IPO13: variants seen among roughly 807,000 people sequenced by gnomAD.
IPO13 encodes the protein importin 13, also known as importin-13.
IPO13 carries 28 observed loss-of-function variants against 115.5 expected under a neutral mutation model. The ratio of observed to expected loss-of-function variants is 0.24; its 90% CI spans 0.18 to 0.33. IPO13 has a LOEUF of 0.33. IPO13 is among the 10% of genes least tolerant of loss of function. The pLI is 1.00. For synonymous variants in IPO13, 414 were observed against 478.9 expected (o/e 0.86, Z 1.77); for missense variants, 785 against 1,204.6 (o/e 0.65, Z 5.16).
At position 43,967,690 on chromosome 1, in the gene IPO13, CCCCAT is replaced by C; in HGVS notation, c.*16_*20del. 1 of 1,612,464 alleles carries C rather than the reference CCCCAT, an allele frequency of 6.2e-7. No individual in the cohort carries two copies. Among genetic ancestry groups the C allele is most frequent in the Non-Finnish European group, 8.5e-7 (1 of 1,178,476 alleles). ...TACACAGCTGACTACTGAGGGGTGC[CCCCAT>C]CCCATCCACCCCTTCTCTTCATCCT... On this transcript the variant is annotated 3_prime_UTR_variant, in exon 20 of 20. Transcript: ENST00000372343. This position sits in a 1 kb window ranked among gnomAD's most constrained non-coding sequence, Gnocchi z 6.1.
rs981217383 is a variant in IPO13, at chr1:43,949,799, C to G, written c.467C>G (p.Pro156Arg). 9 of 1,614,010 alleles carry G rather than the reference C, an allele frequency of 5.6e-6. No homozygotes were observed. In the Admixed American group the frequency reaches 8.3e-5, roughly 15 times the overall value. Residue 156 changes from proline to arginine, a missense_variant, in exon 2 of 20, where the codon CCA becomes CGA. This residue lies in a region of IPO13 where 325 missense variants were observed against 449.8 expected (regional missense o/e 0.72). Transcript: ENST00000372343. ...MVRLFQAEDSPVDGQGRCLAL... is the reference protein window; with the variant it reads ...MVRLFQAEDSRVDGQGRCLAL... ...CGACTCTTCCAGGCTGAGGACTCAC[C>G]AGTGGATGGGCAGGGCCGCTGCCTA...
intron 2 of IPO13, among the ~76,000 whole-genome samples, chr1:43,955,607 C>T (rs921009374): frequency 6.6e-6 from 1 of 152,178 alleles, no homozygotes; most frequent in African/African-American, 2.4e-5. Context: ...GGCATTCTCC[C>T]TGTATGTCTC....
In IPO13 at chr1:43,967,655, T is replaced by A; in HGVS notation, c.2865T>A (p.His955Gln). ...TCACACTGCTGTGCCGGGGTCTCCA[T>A]GGCACAGATTACACAGCTGACTACT... ...KEFTLLCRGL[H>Q]GTDYTADY Residue 955 changes from histidine (H) to glutamine (Q), a missense_variant, in exon 20 of 20, where the codon CAT becomes CAA. His to Gln is a conservative substitution (Grantham distance 24, BLOSUM62 0). Around this residue, in one of 3 missense-constraint regions of IPO13, gnomAD observed 285 missense variants for 394.8 expected, o/e 0.72. Transcript: ENST00000372343. This position sits in a 1 kb window ranked among gnomAD's most constrained non-coding sequence, Gnocchi z 6.1. The A allele has an allele frequency of 6.2e-7, 1 of 1,614,134 alleles. No homozygotes were observed. The highest frequency in any genetic ancestry group is 1.1e-5 in the South Asian group (1 of 91,084).
At chr1:43,962,959 C>CTCTG (rs2154302373) in intron 14 of IPO13, among the ~76,000 whole-genome samples, 1 of 152,348 alleles carries the variant, frequency 6.6e-6, no homozygotes, top group East Asian at 1.9e-4. Context: ...GGGGAGGGCT[C>CTCTG]CCTGCCCTTG....
Position 43,952,200 on chromosome 1 carries a change from C to T in IPO13, c.821+2047C>T, listed in dbSNP as rs143436832. Among the ~76,000 whole-genome samples the T allele has an allele frequency of 7.8e-3, 1,194 of 152,328 alleles. 13 individuals are homozygous for T. The highest frequency in any genetic ancestry group is 0.027 in the African/African-American group (1,116 of 41,550). ...ATTTATTTATTTTGAGACAGAGTCTCACTCTGTCACCCAGGCTGGTGTGCA... is the reference window on the plus strand; with the variant it reads ...ATTTATTTATTTTGAGACAGAGTCTTACTCTGTCACCCAGGCTGGTGTGCA... On this transcript the variant is annotated intron_variant, in intron 2 of 19. Transcript: ENST00000372343. The surrounding 1 kb of genome is among the most constrained non-coding windows in gnomAD (Gnocchi z 4.7).
chr1:43,960,393 G>A, intron 12 of IPO13, 64 bp downstream of exon 12: 9 of 1,379,544 alleles, frequency 6.5e-6, no homozygotes, highest in Middle Eastern at 1.8e-4. Flanking sequence ...AGGGTAAGAT[G>A]TTACTGCCAC....
chr1:43,966,118 G>C lies in IPO13; in HGVS notation c.2398-457G>C, dbSNP rs1324827417. 4.1e-6 allele frequency: 1 copy of C among 243,950 alleles called. No homozygotes were observed. Among genetic ancestry groups the C allele is most frequent in the African/African-American group, 2.2e-5 (1 of 44,840 alleles). 15.1% of individuals were successfully genotyped at this position (243,950 alleles called of 1,614,324 possible). On this transcript the variant is annotated intron_variant, in intron 15 of 19. Transcript: ENST00000372343. The surrounding 1 kb of genome is among the most constrained non-coding windows in gnomAD (Gnocchi z 4.1). ...GAGGGTGCCTCAGGAATACAGGAGGGACATGGGAGGAGGGCTGTTGGGCTG... is the reference window on the plus strand; with the variant it reads ...GAGGGTGCCTCAGGAATACAGGAGGCACATGGGAGGAGGGCTGTTGGGCTG...
At chr1:43,959,172 G>GAC (rs1478398091) in intron 11 of IPO13, among the ~76,000 whole-genome samples, 1 of 152,200 alleles carries the variant, frequency 6.6e-6, no homozygotes, top group Non-Finnish European at 1.5e-5. Context: ...CCCCATGAGG[G>GAC]ACATTGACGT....
chr1:43,964,278 A>G lies in IPO13; in HGVS notation c.2354A>G (p.Asp785Gly). The G allele has an allele frequency of 6.2e-7, 1 of 1,609,064 alleles. No homozygotes were observed. Among genetic ancestry groups the G allele is most frequent in the South Asian group, 1.1e-5 (1 of 90,614 alleles). The change falls in exon 15 of 20, where the codon GAT becomes GGT. Residue 785 changes from aspartate to glycine, a missense_variant. Physicochemically the swap from Asp to Gly is moderately conservative, Grantham distance 94. This residue lies in a region of IPO13 where 285 missense variants were observed against 394.8 expected (regional missense o/e 0.72). Coordinates refer to ENST00000372343, the MANE Select transcript of IPO13 (RefSeq NM_014652.4). ...CTTTATTATATTTTAGGGCCCAGGG[A>G]TCATCCTGATATTGTTGATTCATTT... ...TLTLFQQGPR[D>G]HPDIVDSFMQ...
intron 14 of IPO13, 115 bp downstream of exon 14, chr1:43,961,377 G>A: frequency 1.2e-6 from 1 of 825,454 alleles, no homozygotes; most frequent in Non-Finnish European, 2.1e-6. Flanking sequence ...TCACACGTGG[G>A]ACTTGATGGG....
chr1:43,958,102 C>G lies in IPO13; in HGVS notation c.1666C>G (p.Arg556Gly), dbSNP rs2085263358. 1 of 1,614,126 alleles carries G rather than the reference C, an allele frequency of 6.2e-7. No individual in the cohort carries two copies. Among genetic ancestry groups the G allele is most frequent in the Non-Finnish European group, 8.5e-7 (1 of 1,180,022 alleles). Residue 556 changes from arginine (R) to glycine (G), a missense_variant, in exon 8 of 20, where the codon CGA (arginine) becomes GGA (glycine). Coordinates refer to ENST00000372343, the MANE Select transcript of IPO13 (RefSeq NM_014652.4). The surrounding 1 kb of genome is among the most constrained non-coding windows in gnomAD (Gnocchi z 6.3). ...TGTGTCCACCCTCAAGAAGATCTGC[C>G]GAGAGTGCAAGTATGACCTGCCTCC... ...SSVSTLKKIC[R>G]ECKYDLPPYA...
In IPO13 at chr1:43,966,662, A is replaced by G; in HGVS notation, c.2464+21A>G. On this transcript the variant is annotated intron_variant, in intron 16 of 19. Transcript: ENST00000372343. The surrounding 1 kb of genome is among the most constrained non-coding windows in gnomAD (Gnocchi z 4.1). ...GTGTGGTAAGTGGGGCGAGATGGAC[A>G]GGTGGGCCTGGGGCTCCCCTAGAAG... 6.2e-7 allele frequency: 1 copy of G among 1,614,138 alleles called. No homozygotes were observed. Among genetic ancestry groups the G allele is most frequent in the Non-Finnish European group, 8.5e-7 (1 of 1,179,948 alleles).
At chr1:43,947,826 G>A in intron 1 of IPO13, 142 bp downstream of exon 1, 1 of 436,604 alleles carries the variant, frequency 2.3e-6, no homozygotes, top group Non-Finnish European at 4.0e-6. Context: ...TTTCTGGGCA[G>A]GCAGTATTGC....
chr1:43,961,632 G>A (rs987004984), intron 14 of IPO13, among the ~76,000 whole-genome samples: 1 of 152,186 alleles, frequency 6.6e-6, no homozygotes, highest in Non-Finnish European at 1.5e-5. Flanking sequence ...GCTAGACCTA[G>A]ATTCTAAGTT....
chr1:43,957,664 T>A, intron 7 of IPO13, 115 bp downstream of exon 7: 1 of 1,297,342 alleles, frequency 7.7e-7, no homozygotes, highest in Non-Finnish European at 1.1e-6. Flanking sequence ...CTACACACAA[T>A]CAGTGTTGTA....
At chr1:43,960,382 C>G in intron 12 of IPO13, 53 bp downstream of exon 12, 1 of 1,507,680 alleles carries the variant, frequency 6.6e-7, no homozygotes, top group Admixed American at 1.7e-5. Flanking sequence ...AGAGGTGTAG[C>G]AGGGTAAGAT....
Position 43,966,669 on chromosome 1 carries a change from C to T in IPO13, c.2464+28C>T, listed in dbSNP as rs2085327238. 2 of 1,614,022 alleles carry T rather than the reference C, an allele frequency of 1.2e-6. No homozygotes were observed. The highest frequency in any genetic ancestry group is 1.1e-5 in the South Asian group (1 of 91,086). On this transcript the variant is annotated intron_variant, in intron 16 of 19. Transcript: ENST00000372343. The surrounding 1 kb of genome is among the most constrained non-coding windows in gnomAD (Gnocchi z 4.1). ...AAGTGGGGCGAGATGGACAGGTGGG[C>T]CTGGGGCTCCCCTAGAAGGATCGTT...
At position 43,966,285 on chromosome 1, in the gene IPO13, G is replaced by T; in HGVS notation, c.2398-290G>T. The T allele has an allele frequency of 1.9e-6, 1 of 528,096 alleles. No homozygotes were observed. The allele number at this position is 528,096 out of a possible 1,614,324, so 32.7% of individuals were successfully genotyped here. A position where few individuals can be genotyped will look rare whatever the true frequency, so the allele number is the denominator to read the frequency against. On this transcript the variant is annotated intron_variant, in intron 15 of 19. Transcript: ENST00000372343. The surrounding 1 kb of genome is among the most constrained non-coding windows in gnomAD (Gnocchi z 4.1). ...GACATCTGGCCCTGATGGAGGGGGA[G>T]GGAAAGGTGTCTGGAACCCAAACTT...
In IPO13 at chr1:43,966,517, G is replaced by A. The variant is rs765942417; in HGVS notation, c.2398-58G>A. On this transcript the variant is annotated intron_variant, in intron 15 of 19. Transcript: ENST00000372343. The surrounding 1 kb of genome is among the most constrained non-coding windows in gnomAD (Gnocchi z 4.1). ...TTGGGGGCTGGGGTGGCAGGTGAGTGGGGGGGATGGTCCTTGGAGCTGGCT... is the reference window on the plus strand; with the variant it reads ...TTGGGGGCTGGGGTGGCAGGTGAGTAGGGGGGATGGTCCTTGGAGCTGGCT... The A allele has an allele frequency of 5.2e-6, 8 of 1,546,072 alleles. No homozygotes were observed. The African/African-American group carries it at 6.8e-5, about 13-fold the overall frequency.
Sources: gnomAD v4.1 joint callset for allele counts (sites outside exome capture counted in the v4.1 genomes callset) on GRCh38, gnomAD v4.1.1 for gene constraint, gnomAD v4.1.1 regional missense constraint, Gnocchi (gnomAD v3.1) non-coding constraint, MANE v1.5 for transcripts, NCBI Gene and HGNC (gene_info 2026-07-23, HGNC 2026-07-21) for gene names.